The following TSPAN15 variants were observed in gnomAD, a reference collection of about 807,000 sequenced individuals.
The protein encoded by TSPAN15 is tetraspanin-15.
Under a neutral mutation model 34.5 loss-of-function variants are expected in TSPAN15, and 20 were observed. The ratio of observed to expected loss-of-function variants is 0.58; its 90% CI spans 0.41 to 0.84. The LOEUF is 0.84. Ranked by LOEUF, TSPAN15 falls within the 40% of genes least tolerant of loss-of-function variation. The probability of loss-of-function intolerance (pLI) is 0.00; values close to 1 mark genes in which losing one functional copy is unlikely to be tolerated. For missense variants in TSPAN15, 313 were observed against 386.1 expected, an observed-to-expected ratio of 0.81 and a Z score of 1.59; for synonymous variants, 155 against 153.9, an observed-to-expected ratio of 1.01 and a Z score of -0.05.
chr10:69,465,684 G>C (rs1005200879), intron 1 of TSPAN15, among the ~76,000 whole-genome samples: 3 of 152,200 alleles, frequency 2.0e-5, no homozygotes, highest in Admixed American at 6.5e-5. Context: ...AGAGCTAGAG[G>C]TGGGGTGTGA....
chr10:69,515,739 C>A, the TSPAN15 span, among the ~76,000 whole-genome samples: 1 of 152,186 alleles, frequency 6.6e-6, no homozygotes, highest in Admixed American at 6.5e-5. Context: ...GATTTGCAGT[C>A]CTAAAGCCCA....
At chr10:69,478,835 A>C (rs1841671326) in intron 1 of TSPAN15, among the ~76,000 whole-genome samples, 1 of 152,236 alleles carries the variant, frequency 6.6e-6, no homozygotes, top group Non-Finnish European at 1.5e-5. Flanking sequence ...ATACTATCAT[A>C]ATTTTGAAGT....
chr10:69,543,642 C>T, the TSPAN15 span, among the ~76,000 whole-genome samples: 5,048 of 152,142 alleles, frequency 0.033, 140 homozygotes, highest in Non-Finnish European at 0.054. Flanking sequence ...GGCTGGGAGG[C>T]CTGAATAGCT....
At chr10:69,455,625 T>TCCCTCCC (rs1554830572) in intron 1 of TSPAN15, among the ~76,000 whole-genome samples, 1 of 82,834 alleles carries the variant, frequency 1.2e-5, no homozygotes, top group Non-Finnish European at 2.5e-5. Flanking sequence ...TCTCTCTCTC[T>TCCCTCCC]CCCCCCCCCG....
chr10:69,474,439 C>T (rs528119832), intron 1 of TSPAN15, among the ~76,000 whole-genome samples: 1 of 152,146 alleles, frequency 6.6e-6, no homozygotes, highest in East Asian at 1.9e-4. Flanking sequence ...GGACTGGAGG[C>T]TGTTGTATAG....
intron 1 of TSPAN15, among the ~76,000 whole-genome samples, chr10:69,473,360 G>A (rs927819355): frequency 2.6e-5 from 4 of 152,192 alleles, no homozygotes; most frequent in Admixed American, 6.5e-5. Flanking sequence ...AGGCTGCTAT[G>A]GGAGGCAGTG....
intron 1 of TSPAN15, among the ~76,000 whole-genome samples, chr10:69,456,974 G>T (rs1257868451): frequency 6.6e-6 from 1 of 152,158 alleles, no homozygotes; most frequent in Non-Finnish European, 1.5e-5. Flanking sequence ...GTGCTCCTTG[G>T]CCCTTCCAGT....
At chr10:69,519,959 C>T in the TSPAN15 span, among the ~76,000 whole-genome samples, 11 of 152,092 alleles carry the variant, frequency 7.2e-5, no homozygotes, top group Admixed American at 6.5e-5. Context: ...CTTGAAGTCC[C>T]GAACTCAGGT....
At chr10:69,539,814 G>T in the TSPAN15 span, among the ~76,000 whole-genome samples, 7 of 152,126 alleles carry the variant, frequency 4.6e-5, no homozygotes, top group East Asian at 1.4e-3. Flanking sequence ...TCATGTTCCA[G>T]CTAGCAAGAA....
chr10:69,459,295 C>T (rs1034507570), intron 1 of TSPAN15, among the ~76,000 whole-genome samples: 34 of 152,098 alleles, frequency 2.2e-4, no homozygotes, highest in Non-Finnish European at 5.9e-5. Context: ...ATGCCAGGCA[C>T]TGTGATACCG....
intron 1 of TSPAN15, among the ~76,000 whole-genome samples, chr10:69,479,350 A>T (rs955999620): frequency 6.6e-6 from 1 of 152,236 alleles, no homozygotes; most frequent in African/African-American, 2.4e-5. Flanking sequence ...AGGAGGAAGC[A>T]GGGTTCCAGG....
chr10:69,506,111 C>T lies in TSPAN15; in HGVS notation c.619-13C>T. 1 of 1,612,372 alleles carries T rather than the reference C, an allele frequency of 6.2e-7. No individual in the cohort carries two copies. ...GGTCCTCTGCTGGGCTGACCCAGCTCCTTCCCATGCAGCGTTTCAGTGTGC... is the reference window on the plus strand; with the variant it reads ...GGTCCTCTGCTGGGCTGACCCAGCTTCTTCCCATGCAGCGTTTCAGTGTGC... On this transcript the variant is annotated splice_polypyrimidine_tract_variant and intron_variant, in intron 6 of 7. Transcript: ENST00000373290. This position sits in a 1 kb window ranked among gnomAD's most constrained non-coding sequence, Gnocchi z 4.7.
At chr10:69,504,770 G>A (rs778837212) in intron 6 of TSPAN15, among the ~76,000 whole-genome samples, 8 of 152,270 alleles carry the variant, frequency 5.3e-5, no homozygotes, top group South Asian at 2.1e-4. Flanking sequence ...TACCCGCAGC[G>A]TGCTGTGTGC....
the TSPAN15 span, among the ~76,000 whole-genome samples, chr10:69,533,602 A>G: frequency 3.3e-5 from 5 of 152,194 alleles, no homozygotes; most frequent in Admixed American, 2.6e-4. Context: ...AAATCTCACA[A>G]ATCCCCACTA....
the TSPAN15 span, among the ~76,000 whole-genome samples, chr10:69,547,726 A>G: frequency 6.6e-6 from 1 of 152,200 alleles, no homozygotes; most frequent in African/African-American, 2.4e-5. Flanking sequence ...GTGCCGAGGT[A>G]GATTAGAGCT....
rs144180646 is a variant in TSPAN15, at chr10:69,451,612, G to A, written c.18G>A (p.Ser6=). 1,319 of 1,509,348 alleles carry A rather than the reference G, an allele frequency of 8.7e-4. 12 individuals are homozygous for A. In the African/African-American group the frequency reaches 0.017, roughly 20 times the overall value. 93.5% of individuals were successfully genotyped at this position (1,509,348 alleles called of 1,614,324 possible). The change falls in exon 1 of 8, where the codon TCG becomes TCA. Residue 6 remains serine, a synonymous_variant. Transcript: ENST00000373290. MPRGD[S]EQVRYCARFS... ...CGCCCAGGATGCCGCGCGGGGACTC[G>A]GAGCAGGTGCGCTACTGCGCGCGCT...
intron 1 of TSPAN15, among the ~76,000 whole-genome samples, chr10:69,483,489 A>C (rs1841782267): frequency 6.6e-6 from 1 of 152,194 alleles, no homozygotes; most frequent in Admixed American, 6.5e-5. Context: ...CTCCAAATAT[A>C]GTCACATTTC....
intron 3 of TSPAN15, among the ~76,000 whole-genome samples, chr10:69,491,866 T>C (rs1246091867): frequency 2.0e-5 from 3 of 152,118 alleles, no homozygotes; most frequent in Non-Finnish European, 4.4e-5. Context: ...CCACTCCTTT[T>C]CCTACCCCTC....
At chr10:69,529,458 G>T in the TSPAN15 span, among the ~76,000 whole-genome samples, 1 of 147,740 alleles carries the variant, frequency 6.8e-6, no homozygotes, top group Non-Finnish European at 1.5e-5. Context: ...GAAAATCCAT[G>T]ACTTAGAAAT....
Sources: allele counts gnomAD v4.1 joint callset (sites outside exome capture counted in the v4.1 genomes callset), GRCh38; gene constraint gnomAD v4.1.1; non-coding constraint Gnocchi (gnomAD v3.1); transcripts MANE v1.5; gene names NCBI Gene and HGNC (gene_info 2026-07-23, HGNC 2026-07-21).